Variants in PRKAG2 observed in about 807,000 individuals in gnomAD.
PRKAG2 encodes 5'-AMP-activated protein kinase subunit gamma-2.
A neutral mutation model predicts 69.6 loss-of-function variants in PRKAG2; 26 were observed. That is an observed-to-expected ratio of 0.37 (90% CI 0.27 to 0.52). The LOEUF is 0.52. Ranked by LOEUF, PRKAG2 falls within the 20% of genes least tolerant of loss-of-function variation. The pLI is 0.90. For synonymous variants in PRKAG2, 293 were observed against 285.0 expected (o/e 1.03, Z -0.28); for missense variants, 557 against 740.0 (o/e 0.75, Z 2.87).
intron 4 of PRKAG2, among the ~76,000 whole-genome samples, chr7:151,641,429 G>A (rs770603656): frequency 6.6e-6 from 1 of 151,688 alleles, no homozygotes; most frequent in African/African-American, 2.4e-5. Context: ...TTGTATTTTA[G>A]TAGAGACAAG....
chr7:151,624,303 C>T (rs1822314390), intron 5 of PRKAG2, among the ~76,000 whole-genome samples: 1 of 151,754 alleles, frequency 6.6e-6, no homozygotes, highest in Admixed American at 6.6e-5. Flanking sequence ...CCATGTCTGG[C>T]TAATTTTCTG....
intron 4 of PRKAG2, among the ~76,000 whole-genome samples, chr7:151,634,432 C>T (rs1825381377): frequency 6.6e-6 from 1 of 152,006 alleles, no homozygotes; most frequent in Admixed American, 6.6e-5. Flanking sequence ...AAACACAGTC[C>T]ATAAAAGGAA....
chr7:151,854,321 GCA>G (rs1243758952), intron 1 of PRKAG2, among the ~76,000 whole-genome samples: 1 of 152,186 alleles, frequency 6.6e-6, no homozygotes, highest in Non-Finnish European at 1.5e-5. Context: ...ACGTGCACAT[GCA>G]CACACACGTG....
At chr7:151,824,810 C>A (rs1421336875) in intron 1 of PRKAG2, among the ~76,000 whole-genome samples, 1 of 152,206 alleles carries the variant, frequency 6.6e-6, no homozygotes, top group South Asian at 2.1e-4. Context: ...ACTTACTACC[C>A]CAGCGGAACT....
At chr7:151,615,749 G>A (rs150140614) in intron 5 of PRKAG2, among the ~76,000 whole-genome samples, 4 of 152,140 alleles carry the variant, frequency 2.6e-5, no homozygotes, top group Non-Finnish European at 2.9e-5. Context: ...TAAAAAGTGG[G>A]CAAAGGACAT....
chr7:151,814,991 C>A lies in PRKAG2; in HGVS notation c.115-28450G>T, dbSNP rs537564165. ...TGATGCAGCAGTGGACAGCTCTGGG[C>A]TCCAGGTCCTCTGGCCAGCACAACC... On this transcript the variant is annotated intron_variant, in intron 1 of 15. Coordinates refer to ENST00000287878, the MANE Select transcript of PRKAG2 (RefSeq NM_016203.4). The surrounding 1 kb of genome is among the most constrained non-coding windows in gnomAD (Gnocchi z 4.8). 2.6e-4 allele frequency: 106 copies of A among 400,508 alleles called. No homozygotes were observed. The highest frequency in any genetic ancestry group is 2.2e-3 in the African/African-American group (102 of 46,098). 24.8% of individuals were successfully genotyped at this position (400,508 alleles called of 1,614,324 possible).
Position 151,560,542 on chromosome 7 carries a change from G to C in PRKAG2, c.1660C>G (p.Leu554Val), listed in dbSNP as rs759190519. 1 of 1,614,156 alleles carries C rather than the reference G, an allele frequency of 6.2e-7. No individual in the cohort carries two copies. The highest frequency in any genetic ancestry group is 1.1e-5 in the South Asian group (1 of 91,086). ...IISLSDILQA[L>V]ILTPAGAKQK... ...ATTTTACCTGCTGGTGTGAGGATCA[G>C]GGCTTGCAGAATGTCCGACAGGGAA... The change falls in exon 15 of 16, where the codon CTG becomes GTG. Residue 554 changes from leucine (L) to valine (V), a missense_variant. Coordinates refer to ENST00000287878, the MANE Select transcript of PRKAG2 (RefSeq NM_016203.4).
intron 5 of PRKAG2, among the ~76,000 whole-genome samples, chr7:151,613,905 C>G (rs1019130107): frequency 2.1e-5 from 3 of 142,380 alleles, no homozygotes; most frequent in African/African-American, 7.9e-5. Context: ...CGGGTTCAAG[C>G]GATTCTCCTG....
chr7:151,632,339 A>G lies in PRKAG2; in HGVS notation c.685-201T>C, dbSNP rs1287784233. The G allele has an allele frequency of 1.6e-6, 1 of 642,160 alleles. No homozygotes were observed. The highest frequency in any genetic ancestry group is 2.0e-5 in the African/African-American group (1 of 49,824). 39.8% of individuals were successfully genotyped at this position (642,160 alleles called of 1,614,324 possible). A position where few individuals can be genotyped will look rare whatever the true frequency, so the allele number is the denominator to read the frequency against. ...CGCCCGAGGCCGCCGCCGCCGCCGC[A>G]GGTGGCGCGGCCGCGGCCCGCGTGC... On this transcript the variant is annotated intron_variant, in intron 4 of 15. Transcript: ENST00000287878. This position sits in a 1 kb window ranked among gnomAD's most constrained non-coding sequence, Gnocchi z 4.2.
chr7:151,834,289 C>T (rs866859193), intron 1 of PRKAG2, among the ~76,000 whole-genome samples: 42 of 152,338 alleles, frequency 2.8e-4, no homozygotes, highest in Admixed American at 3.9e-4. Context: ...CCCAAGATGA[C>T]CTGAGCCACA....
Position 151,835,099 on chromosome 7 carries a change from C to T in PRKAG2, c.114+41408G>A, listed in dbSNP as rs906962953. Among the ~76,000 whole-genome samples the T allele has an allele frequency of 2.0e-5, 3 of 152,166 alleles. No individual in the cohort carries two copies. Among genetic ancestry groups the T allele is most frequent in the African/African-American group, 4.8e-5 (2 of 41,434 alleles). ...GTGGCCTCATCAAAACTCATCACAT[C>T]GGAAACGACCCTGTTTCCAAAAGAG... On this transcript the variant is annotated intron_variant, in intron 1 of 15. Transcript: ENST00000287878. The surrounding 1 kb of genome is among the most constrained non-coding windows in gnomAD (Gnocchi z 4.1).
chr7:151,689,467 G>A (rs377694789), intron 3 of PRKAG2, among the ~76,000 whole-genome samples: 24 of 152,336 alleles, frequency 1.6e-4, no homozygotes, highest in East Asian at 7.7e-4. Flanking sequence ...TACCTGGCAC[G>A]ATGGGGTGTG....
At chr7:151,744,458 C>T (rs2074136494) in intron 3 of PRKAG2, among the ~76,000 whole-genome samples, 1 of 152,212 alleles carries the variant, frequency 6.6e-6, no homozygotes, top group African/African-American at 2.4e-5. Flanking sequence ...GAGCCGAGGG[C>T]GTCATCAGGC....
intron 3 of PRKAG2, among the ~76,000 whole-genome samples, chr7:151,729,151 T>G (rs1473185719): frequency 2.0e-4 from 19 of 92,872 alleles, no homozygotes; most frequent in Admixed American, 6.6e-4. Flanking sequence ...CAGGCATGGA[T>G]GAGAGTGGGG....
In PRKAG2 at chr7:151,814,341, G is replaced by A. The variant is rs1280950994; in HGVS notation, c.115-27800C>T. On this transcript the variant is annotated intron_variant, in intron 1 of 15. Coordinates refer to ENST00000287878, the MANE Select transcript of PRKAG2 (RefSeq NM_016203.4). The surrounding 1 kb of genome is among the most constrained non-coding windows in gnomAD (Gnocchi z 4.8). Reference sequence around the variant, plus strand: ...ACACACCAAGGAGACAAAGCATCGTGAGGGGGAAAACCGCACACCCAGGGA... The same window carrying A: ...ACACACCAAGGAGACAAAGCATCGTAAGGGGGAAAACCGCACACCCAGGGA... 3 of 1,047,022 alleles carry A rather than the reference G, an allele frequency of 2.9e-6. No individual in the cohort carries two copies. In the East Asian group the frequency reaches 1.1e-4, roughly 40 times the overall value. 64.9% of individuals were successfully genotyped at this position (1,047,022 alleles called of 1,614,324 possible).
intron 5 of PRKAG2, among the ~76,000 whole-genome samples, chr7:151,624,015 T>C (rs1465946850): frequency 1.3e-5 from 2 of 152,106 alleles, no homozygotes; most frequent in African/African-American, 2.4e-5. Flanking sequence ...TTCCTGTCAG[T>C]TACAAATGAC....
intron 1 of PRKAG2, among the ~76,000 whole-genome samples, chr7:151,841,352 ATAGTGATGGTAGG>A (rs1404863657): frequency 1.3e-5 from 2 of 151,612 alleles, no homozygotes; most frequent in Admixed American, 6.6e-5. Flanking sequence ...GGTAGTAATG[ATAGTGATGGTAGG>A]TAGTGATGGT....
chr7:151,718,621 A>C (rs1249733760), intron 3 of PRKAG2, among the ~76,000 whole-genome samples: 2 of 148,068 alleles, frequency 1.4e-5, no homozygotes, highest in Non-Finnish European at 3.0e-5. Context: ...GCAAAAAAAA[A>C]AAAAAAAACC....
intron 1 of PRKAG2, among the ~76,000 whole-genome samples, chr7:151,867,209 A>C (rs930717325): frequency 1.3e-5 from 2 of 152,116 alleles, no homozygotes; most frequent in Non-Finnish European, 2.9e-5. Context: ...TATCGGACGG[A>C]GGCTGTGGCT....
Sources: allele counts gnomAD v4.1 joint callset (sites outside exome capture counted in the v4.1 genomes callset), GRCh38; gene constraint gnomAD v4.1.1; non-coding constraint Gnocchi (gnomAD v3.1); transcripts MANE v1.5; gene names NCBI Gene and HGNC (gene_info 2026-07-23, HGNC 2026-07-21).